Variants in ZC3H13 observed in about 807,000 individuals in gnomAD.
ZC3H13 encodes zinc finger CCCH domain-containing protein 13.
A neutral mutation model predicts 204.1 loss-of-function variants in ZC3H13; 64 were observed. The ratio of observed to expected loss-of-function variants is 0.31; its 90% CI spans 0.26 to 0.39. The LOEUF (loss-of-function observed/expected upper bound fraction) is 0.39, where lower values mean the gene tolerates loss of function less well. Among genes scored for constraint, ZC3H13 ranks in the 10% least tolerant of loss-of-function variants. ZC3H13 has a pLI of 1.00. For synonymous variants in ZC3H13, 667 were observed against 693.7 expected (o/e 0.96, Z 0.60); for missense variants, 1,833 against 2,082.7 (o/e 0.88, Z 2.33).
chr13:45,959,714 G>T, intron 17 of ZC3H13, 68 bp from the exon 18 acceptor site: 1 of 1,385,590 alleles, frequency 7.2e-7, no homozygotes, highest in South Asian at 1.7e-5. Flanking sequence ...CTACTTAACT[G>T]AATATTCTAC....
intron 5 of ZC3H13, among the ~76,000 whole-genome samples, chr13:46,017,336 A>C (rs1410579409): frequency 5.3e-5 from 8 of 152,160 alleles, no homozygotes; most frequent in Non-Finnish European, 8.8e-5. Flanking sequence ...TGCCTGGTGT[A>C]CTCATTCTCC....
chr13:46,015,061 A>G (rs2138722256), intron 5 of ZC3H13, among the ~76,000 whole-genome samples: 1 of 152,296 alleles, frequency 6.6e-6, no homozygotes, highest in East Asian at 1.9e-4. Flanking sequence ...TTTCTATGAC[A>G]TTATTTCTCA....
At chr13:46,031,851 T>A (rs1482904714) in intron 4 of ZC3H13, among the ~76,000 whole-genome samples, 1 of 152,250 alleles carries the variant, frequency 6.6e-6, no homozygotes, top group Non-Finnish European at 1.5e-5. Context: ...ACAGTCACTT[T>A]AGAAGATAGT....
At chr13:46,045,123 A>T in intron 2 of ZC3H13, 59 bp from the exon 3 acceptor site, 1 of 1,449,666 alleles carries the variant, frequency 6.9e-7, no homozygotes, top group Non-Finnish European at 9.5e-7. Context: ...AAAAAATGCT[A>T]GCGGGACAAA....
At chr13:46,043,233 G>A (rs2404729) in intron 3 of ZC3H13, among the ~76,000 whole-genome samples, 113,913 of 151,876 alleles carry the variant, frequency 0.75, 43,202 homozygotes, top group African/African-American at 0.85. Flanking sequence ...GCAGTCATTG[G>A]GCAATCAAAT....
Position 45,995,556 on chromosome 13 carries a change from A to G in ZC3H13, c.945-6459T>C, listed in dbSNP as rs532396094. 2.4e-4 allele frequency among the ~76,000 whole-genome samples: 37 copies of G among 152,358 alleles called. No homozygotes were observed. In the South Asian group the frequency reaches 5.8e-3, roughly 24 times the overall value. On this transcript the variant is annotated intron_variant, in intron 8 of 18. Transcript: ENST00000679008. ...TTACAAACCCCACATATTTGGAAACACTATTTTACACACATACACCCACAC... is the reference window on the plus strand; with the variant it reads ...TTACAAACCCCACATATTTGGAAACGCTATTTTACACACATACACCCACAC...
At chr13:46,020,334 T>C (rs936332982) in intron 5 of ZC3H13, 115 bp downstream of exon 5, 4 of 779,032 alleles carry the variant, frequency 5.1e-6, no homozygotes, top group Non-Finnish European at 8.4e-6. Context: ...AATATGTCAA[T>C]AAAATGATTC....
At position 45,985,758 on chromosome 13, in the gene ZC3H13, G is replaced by C; in HGVS notation, c.1259C>G (p.Thr420Ser). 1 of 1,591,784 alleles carries C rather than the reference G, an allele frequency of 6.3e-7. No individual in the cohort carries two copies. Among genetic ancestry groups the C allele is most frequent in the Non-Finnish European group, 8.5e-7 (1 of 1,172,732 alleles). ...HDRRHERRED[T>S]RGKRDREKDS... Reference sequence around the variant, plus strand: ...CTTTTCTCTGTCTCGTTTGCCCCTAGTATCTGTAATGCAATTTTGGAAATT... The same window carrying C: ...CTTTTCTCTGTCTCGTTTGCCCCTACTATCTGTAATGCAATTTTGGAAATT... Residue 420 changes from threonine (T) to serine (S), a missense_variant, in exon 10 of 19, where the codon ACT becomes AGT. Around this residue, in one of 5 missense-constraint regions of ZC3H13, gnomAD observed 1,574 missense variants for 1,757.2 expected, o/e 0.90. Coordinates refer to ENST00000679008, the MANE Select transcript of ZC3H13 (RefSeq NM_001330564.2).
intron 1 of ZC3H13, among the ~76,000 whole-genome samples, chr13:46,047,679 A>C (rs1259898695): frequency 6.6e-6 from 1 of 151,388 alleles, no homozygotes; most frequent in African/African-American, 2.4e-5. Flanking sequence ...TTTTTTAACA[A>C]TATATATCCA....
rs774589148 is a variant in ZC3H13 at position 45,969,931 on chromosome 13, T to C, written c.2613A>G (p.Gln871=). 3 of 1,613,118 alleles carry C rather than the reference T, an allele frequency of 1.9e-6. No homozygotes were observed. Among genetic ancestry groups the C allele is most frequent in the Non-Finnish European group, 2.5e-6 (3 of 1,179,916 alleles). The part of the protein sequence containing the change: ...HRLLSQVVRP[Q]ESRSLSPSHL... The stretch of plus-strand genomic sequence containing the variant: ...GCGAGGGACTAAGAGAACGAGATTC[T>C]TGAGGTCGTACAACTTGGCTCAAGA... Residue 871 remains glutamine, a synonymous_variant, in exon 14 of 19, where the codon CAA becomes CAG. Transcript: ENST00000679008.
Position 46,045,498 on chromosome 13 carries a change from T to C in ZC3H13, c.10A>G (p.Ile4Val). MSK[I>V]RRKVTVENTK... ...TTTTCCACTGTGACCTTCCTTCTAA[T>C]TTTTGACATTTTGTACTACTTCAAC... Residue 4 changes from isoleucine (I) to valine (V), a missense_variant, in exon 2 of 19, where the codon ATT becomes GTT. This residue lies in a region of ZC3H13 where 24 missense variants were observed against 27.6 expected (regional missense o/e 0.87). Transcript: ENST00000679008. 1 of 1,613,860 alleles carries C rather than the reference T, an allele frequency of 6.2e-7. No homozygotes were observed. Among genetic ancestry groups the C allele is most frequent in the Non-Finnish European group, 8.5e-7 (1 of 1,179,758 alleles).
At chr13:46,014,287 A>G (rs1423451868) in intron 5 of ZC3H13, among the ~76,000 whole-genome samples, 2 of 152,054 alleles carry the variant, frequency 1.3e-5, no homozygotes, top group African/African-American at 4.8e-5. Flanking sequence ...TGTACCTATC[A>G]ACCTGTCATC....
chr13:45,978,125 A>G (rs1225232606), intron 11 of ZC3H13, among the ~76,000 whole-genome samples: 2 of 152,072 alleles, frequency 1.3e-5, no homozygotes, highest in African/African-American at 4.8e-5. Flanking sequence ...TCACTTCTTT[A>G]GGCAGCTTTC....
intron 17 of ZC3H13, 86 bp from the exon 18 acceptor site, chr13:45,959,732 A>G (rs187969327): frequency 1.5e-6 from 2 of 1,346,492 alleles, no homozygotes; most frequent in African/African-American, 3.0e-5. Context: ...TACAAATTTT[A>G]TACTTTATTA....
chr13:46,049,245 C>T (rs1034914615), intron 1 of ZC3H13, among the ~76,000 whole-genome samples: 4 of 151,742 alleles, frequency 2.6e-5, no homozygotes, highest in Admixed American at 2.0e-4. Flanking sequence ...AGTATGCGGT[C>T]TGGGTTACAG....
intron 4 of ZC3H13, among the ~76,000 whole-genome samples, chr13:46,027,391 CACTGTGCCCGGTGAGAT>C (rs2042607875): frequency 6.6e-6 from 1 of 152,202 alleles, no homozygotes; most frequent in Admixed American, 6.5e-5. Flanking sequence ...AGGCATGAGC[CACTGTGCCCGGTGAGAT>C]ACTGTGTCTG....
chr13:46,045,128 G>T, intron 2 of ZC3H13, 64 bp from the exon 3 acceptor site: 3 of 1,414,926 alleles, frequency 2.1e-6, no homozygotes, highest in Non-Finnish European at 2.9e-6. Flanking sequence ...ATGCTAGCGG[G>T]ACAAAATTAA....
chr13:45,973,064 C>T (rs201433759), intron 12 of ZC3H13, among the ~76,000 whole-genome samples: 10 of 152,176 alleles, frequency 6.6e-5, no homozygotes, highest in African/African-American at 2.4e-4. Flanking sequence ...TGAGCCCAGG[C>T]AAAACTGCCA....
In ZC3H13 at chr13:45,969,125, G is replaced by C. The variant is rs1239840985; in HGVS notation, c.3419C>G (p.Ser1140Cys). ...ATTGGTGGTATTGGTGGGGGTGGCA[G>C]AGGTGGAAATAGTGATGGCAGATGT... ...FSTSAITIST[S>C]ATPTNTTNNT... is the part of the protein sequence containing the mutation. The change falls in exon 14 of 19, where the codon TCT (serine) becomes TGT (cysteine). Residue 1140 changes from serine (S) to cysteine (C), a missense_variant. Physicochemically the swap from Ser to Cys is moderately radical, Grantham distance 112. Coordinates refer to ENST00000679008, the MANE Select transcript of ZC3H13 (RefSeq NM_001330564.2). 6.2e-7 allele frequency: 1 copy of C among 1,614,046 alleles called. No individual in the cohort carries two copies. Among genetic ancestry groups the C allele is most frequent in the Admixed American group, 1.7e-5 (1 of 59,994 alleles).
Sources: gnomAD v4.1 joint callset for allele counts (sites outside exome capture counted in the v4.1 genomes callset) on GRCh38, gnomAD v4.1.1 for gene constraint, gnomAD v4.1.1 regional missense constraint, MANE v1.5 for transcripts, NCBI Gene and HGNC (gene_info 2026-07-23, HGNC 2026-07-21) for gene names.